HNRNPR: variants seen among roughly 807,000 people sequenced by gnomAD.
HNRNPR encodes heterogeneous nuclear ribonucleoprotein R.
In HNRNPR, 4 loss-of-function variants were observed where a neutral mutation model predicts 70.3. The observed-to-expected ratio is 0.06, with a 90% CI of 0.03 to 0.13. The LOEUF (loss-of-function observed/expected upper bound fraction) is 0.13, where lower values mean the gene tolerates loss of function less well. Ranked by LOEUF, HNRNPR falls within the 10% of genes least tolerant of loss-of-function variation. HNRNPR has a pLI of 1.00. For synonymous variants in HNRNPR, 241 were observed against 267.6 expected (o/e 0.90, Z 0.97); for missense variants, 423 against 788.5 (o/e 0.54, Z 5.55).
chr1:23,326,749 C>T (rs967419444), intron 5 of HNRNPR, among the ~76,000 whole-genome samples: 5 of 152,162 alleles, frequency 3.3e-5, no homozygotes, highest in South Asian at 2.1e-4. Context: ...CGCGCCATTG[C>T]ACCCCAGCCT....
At chr1:23,335,319 C>T (rs1646425818) in intron 4 of HNRNPR, among the ~76,000 whole-genome samples, 1 of 152,220 alleles carries the variant, frequency 6.6e-6, no homozygotes, top group Non-Finnish European at 1.5e-5. Context: ...TTCGGCCTTC[C>T]ATTCTTCTAC....
intron 5 of HNRNPR, among the ~76,000 whole-genome samples, chr1:23,332,817 G>T (rs1374208382): frequency 1.3e-5 from 2 of 152,002 alleles, no homozygotes; most frequent in Non-Finnish European, 2.9e-5. Context: ...AAGGCCAGCA[G>T]TTCAAGACCA....
chr1:23,338,467 A>G (rs1570120787), intron 3 of HNRNPR, 23 bp downstream of exon 3: 1 of 912,754 alleles, frequency 1.1e-6, no homozygotes, highest in Non-Finnish European at 1.6e-6. Flanking sequence ...TTGTTCAAAG[A>G]CATTTCTGAG....
chr1:23,313,344 T>C (rs1645409291), intron 9 of HNRNPR, among the ~76,000 whole-genome samples: 1 of 152,178 alleles, frequency 6.6e-6, no homozygotes, highest in Non-Finnish European at 1.5e-5. Flanking sequence ...TAAAAATAAC[T>C]TGCCTAAGAT....
intron 5 of HNRNPR, among the ~76,000 whole-genome samples, chr1:23,328,719 C>T (rs1184598182): frequency 6.6e-6 from 1 of 152,138 alleles, no homozygotes; most frequent in Non-Finnish European, 1.5e-5. Context: ...AGGCTGGTCT[C>T]GAACTCCTGA....
chr1:23,318,757 A>G lies in HNRNPR; in HGVS notation c.812-69T>C. 2 of 1,495,000 alleles carry G rather than the reference A, an allele frequency of 1.3e-6. No individual in the cohort carries two copies. The highest frequency in any genetic ancestry group is 2.3e-5 in the South Asian group (2 of 85,158). 92.6% of individuals were successfully genotyped at this position (1,495,000 alleles called of 1,614,324 possible). On this transcript the variant is annotated intron_variant, in intron 7 of 10. Transcript: ENST00000302271. This position sits in a 1 kb window ranked among gnomAD's most constrained non-coding sequence, Gnocchi z 4.2. ...ACACATCTAGCGATTAGGCAGACCTAAATCCACTTGACGATGAGCAAAATA... is the reference window on the plus strand; with the variant it reads ...ACACATCTAGCGATTAGGCAGACCTGAATCCACTTGACGATGAGCAAAATA...
At chr1:23,314,008 T>TTG (rs1396628644) in intron 8 of HNRNPR, among the ~76,000 whole-genome samples, 1 of 152,090 alleles carries the variant, frequency 6.6e-6, no homozygotes, top group African/African-American at 2.4e-5. Flanking sequence ...TCAAAACAAG[T>TTG]TTTTCTGTTT....
chr1:23,314,393 T>C (rs1645452415), intron 8 of HNRNPR, among the ~76,000 whole-genome samples: 1 of 152,126 alleles, frequency 6.6e-6, no homozygotes. Context: ...ATGACTTCTA[T>C]ATGGCAAAAA....
At chr1:23,337,036 A>T (rs1249137373) in intron 4 of HNRNPR, among the ~76,000 whole-genome samples, 1 of 152,232 alleles carries the variant, frequency 6.6e-6, no homozygotes, top group Admixed American at 6.5e-5. Flanking sequence ...TACTATCCCC[A>T]TTTTATAAAT....
chr1:23,339,076 T>C (rs1261956194), intron 2 of HNRNPR, among the ~76,000 whole-genome samples: 1 of 152,224 alleles, frequency 6.6e-6, no homozygotes, highest in Non-Finnish European at 1.5e-5. Flanking sequence ...TGAAAACAAA[T>C]TTTACTAAGT....
At chr1:23,330,426 T>C (rs1472908061) in intron 5 of HNRNPR, among the ~76,000 whole-genome samples, 1 of 151,996 alleles carries the variant, frequency 6.6e-6, no homozygotes, top group Non-Finnish European at 1.5e-5. Context: ...TCCCAGCTAC[T>C]TGGGAGGCTC....
At chr1:23,327,484 T>C (rs376068355) in intron 5 of HNRNPR, among the ~76,000 whole-genome samples, 1 of 151,888 alleles carries the variant, frequency 6.6e-6, no homozygotes, top group East Asian at 1.9e-4. Context: ...AGTCAGGAGT[T>C]TGAGACCAGC....
rs748859223 is a variant in HNRNPR at position 23,310,837 on chromosome 1, C to T, written c.1519G>A (p.Gly507Arg). ...YAVRGRGGGR[G>R]GRGAPPPPRG... ...GGTGGTGGTGGAGCACCTCGCCCTC[C>T]CCTTCCTCCTCCTCTTCCTCTTACT... The change falls in exon 11 of 11, where the codon GGA becomes AGA. Residue 507 changes from glycine to arginine, a missense_variant. Gly to Arg is a moderately radical substitution (Grantham distance 125). Transcript: ENST00000302271. This position sits in a 1 kb window ranked among gnomAD's most constrained non-coding sequence, Gnocchi z 6.0. The T allele has an allele frequency of 6.2e-7, 1 of 1,614,098 alleles. No individual in the cohort carries two copies. The highest frequency in any genetic ancestry group is 1.1e-5 in the South Asian group (1 of 91,076).
At chr1:23,334,506 G>A (rs989355961) in intron 4 of HNRNPR, among the ~76,000 whole-genome samples, 3 of 152,162 alleles carry the variant, frequency 2.0e-5, no homozygotes, top group Non-Finnish European at 4.4e-5. Flanking sequence ...AAAGTGCTGG[G>A]ATTACAGGAA....
intron 7 of HNRNPR, among the ~76,000 whole-genome samples, chr1:23,321,304 C>T (rs1284864297): frequency 6.6e-6 from 1 of 152,006 alleles, no homozygotes; most frequent in Non-Finnish European, 1.5e-5. Context: ...CCAGCAAAAG[C>T]CAAGGTTCAA....
At chr1:23,328,561 G>A (rs183064894) in intron 5 of HNRNPR, among the ~76,000 whole-genome samples, 23 of 152,212 alleles carry the variant, frequency 1.5e-4, no homozygotes, top group African/African-American at 4.8e-4. Context: ...GTGCAGTGGC[G>A]CCATCTCGGC....
Position 23,309,279 on chromosome 1 carries a change from T to G in HNRNPR, c.*1175A>C, listed in dbSNP as rs1421458114. On this transcript the variant is annotated 3_prime_UTR_variant, in exon 11 of 11. Coordinates refer to ENST00000302271, the MANE Select transcript of HNRNPR (RefSeq NM_005826.5). ...GAAATTATATTCCTAAACCAGTAAC[T>G]GAAATGGTAGTCACGATCATTTTCA... 6.6e-6 allele frequency: 1 copy of G among 152,156 alleles called. No homozygotes were observed. Among genetic ancestry groups the G allele is most frequent in the Admixed American group, 6.5e-5 (1 of 15,274 alleles). 9.4% of individuals were successfully genotyped at this position (152,156 alleles called of 1,614,324 possible).
At chr1:23,323,774 G>A (rs189417115) in intron 5 of HNRNPR, 42 bp from the exon 6 acceptor site, 9 of 1,547,038 alleles carry the variant, frequency 5.8e-6, no homozygotes, top group Admixed American at 1.7e-5. Context: ...ATAAGCATTT[G>A]ATTTTAGAGC....
chr1:23,343,998 C>CG (rs1211732131), intron 1 of HNRNPR, among the ~76,000 whole-genome samples: 2 of 151,846 alleles, frequency 1.3e-5, no homozygotes, highest in East Asian at 3.9e-4. Context: ...GCTAAAGGGG[C>CG]GGGGGGAGGA....
Sources: allele counts gnomAD v4.1 joint callset (sites outside exome capture counted in the v4.1 genomes callset), GRCh38; gene constraint gnomAD v4.1.1; non-coding constraint Gnocchi (gnomAD v3.1); transcripts MANE v1.5; gene names NCBI Gene and HGNC (gene_info 2026-07-23, HGNC 2026-07-21).